ATXN1: variants seen among roughly 807,000 people sequenced by gnomAD.
ATXN1 encodes the protein ataxin 1.
In ATXN1, 8 loss-of-function variants were observed where a neutral mutation model predicts 56.4. The ratio of observed to expected loss-of-function variants is 0.14; its 90% CI spans 0.08 to 0.26. The LOEUF (loss-of-function observed/expected upper bound fraction) is 0.26. Among genes scored for constraint, ATXN1 ranks in the 10% least tolerant of loss-of-function variants. The pLI, the probability that ATXN1 is intolerant of heterozygous loss-of-function variation, is 1.00. For missense variants in ATXN1, 987 were observed against 1,106.5 expected, an observed-to-expected ratio of 0.89 and a Z score of 1.53; for synonymous variants, 514 against 494.6, an observed-to-expected ratio of 1.04 and a Z score of -0.52.
In ATXN1 at chr6:16,342,344, A is replaced by T. The variant is rs937076741; in HGVS notation, c.-160-13874T>A. ...GATGGACATTATATTCTTTTTTTTA[A>T]AAAAAAAAACAAAACAAAAATGGAA... On this transcript the variant is annotated intron_variant, in intron 6 of 7. Coordinates refer to ENST00000436367, the MANE Select transcript of ATXN1 (RefSeq NM_001128164.2). 6.0e-5 allele frequency among the ~76,000 whole-genome samples: 9 copies of T among 150,946 alleles called. No homozygotes were observed. In the East Asian group the frequency reaches 1.2e-3, roughly 19 times the overall value.
At chr6:16,484,778 A>G (rs1040440286) in intron 6 of ATXN1, among the ~76,000 whole-genome samples, 5 of 152,202 alleles carry the variant, frequency 3.3e-5, no homozygotes, top group East Asian at 1.9e-4. Context: ...TTAGAAATCT[A>G]TGAAACCAAA....
intron 2 of ATXN1, among the ~76,000 whole-genome samples, chr6:16,675,583 T>C (rs1163475619): frequency 6.6e-6 from 1 of 152,066 alleles, no homozygotes; most frequent in African/African-American, 2.4e-5. Flanking sequence ...GGAGCCTACA[T>C]ATATTTAAAA....
At chr6:16,711,359 G>A (rs1402425289) in intron 2 of ATXN1, among the ~76,000 whole-genome samples, 1 of 150,346 alleles carries the variant, frequency 6.7e-6, no homozygotes, top group East Asian at 1.9e-4. Context: ...AAGCAAAAAT[G>A]TTATAAAGAC....
intron 6 of ATXN1, among the ~76,000 whole-genome samples, chr6:16,362,998 T>C (rs1394118192): frequency 6.6e-6 from 1 of 152,230 alleles, no homozygotes; most frequent in Non-Finnish European, 1.5e-5. Context: ...GACACAAATA[T>C]ACAGCGATAT....
intron 2 of ATXN1, among the ~76,000 whole-genome samples, chr6:16,720,165 C>G (rs1353810466): frequency 6.6e-6 from 1 of 152,150 alleles, no homozygotes; most frequent in African/African-American, 2.4e-5. Context: ...TTCACCACTC[C>G]CATCTTCCAG....
rs1581690351 is a variant in ATXN1 at position 16,326,253 on chromosome 6, A to C, written c.1917+141T>G. The stretch of plus-strand genomic sequence containing the variant: ...GGGGCTTATTTTTTCTAGAGAACGC[A>C]GTTGGGAAAGGCCGAGTCTAAGGTC... On this transcript the variant is annotated intron_variant, in intron 7 of 7. Coordinates refer to ENST00000436367, the MANE Select transcript of ATXN1 (RefSeq NM_001128164.2). The surrounding 1 kb of genome is among the most constrained non-coding windows in gnomAD (Gnocchi z 6.6). 1.4e-5 allele frequency: 20 copies of C among 1,427,752 alleles called. No homozygotes were observed. In the East Asian group the frequency reaches 3.9e-4, roughly 28 times the overall value. The allele number at this position is 1,427,752 out of a possible 1,614,324, so 88.4% of individuals were successfully genotyped here.
intron 6 of ATXN1, among the ~76,000 whole-genome samples, chr6:16,389,546 T>A (rs1044818369): frequency 6.6e-6 from 1 of 152,202 alleles, no homozygotes; most frequent in Non-Finnish European, 1.5e-5. Flanking sequence ...GTAAGACTAC[T>A]GAATGAATGA....
chr6:16,630,838 G>A (rs1763491034), intron 3 of ATXN1, among the ~76,000 whole-genome samples: 1 of 152,226 alleles, frequency 6.6e-6, no homozygotes, highest in Non-Finnish European at 1.5e-5. Context: ...ATACTCAGAA[G>A]TATTGCTATT....
chr6:16,531,619 G>A (rs1364796398), intron 4 of ATXN1, among the ~76,000 whole-genome samples: 5 of 129,400 alleles, frequency 3.9e-5, no homozygotes, highest in Non-Finnish European at 6.5e-5. Context: ...GCGAAACTGT[G>A]TCTCAAAAAA....
chr6:16,520,578 T>C (rs989360157), intron 5 of ATXN1, among the ~76,000 whole-genome samples: 1 of 152,166 alleles, frequency 6.6e-6, no homozygotes, highest in African/African-American at 2.4e-5. Context: ...GGACATTTCT[T>C]CACTTTCTCA....
intron 3 of ATXN1, among the ~76,000 whole-genome samples, chr6:16,627,145 G>GT (rs1651339493): frequency 6.6e-6 from 1 of 152,162 alleles, no homozygotes; most frequent in African/African-American, 2.4e-5. Flanking sequence ...GAGTCCATAT[G>GT]TCCACTTCTG....
At chr6:16,363,798 C>G (rs1030112532) in intron 6 of ATXN1, among the ~76,000 whole-genome samples, 1 of 152,132 alleles carries the variant, frequency 6.6e-6, no homozygotes, top group Non-Finnish European at 1.5e-5. Flanking sequence ...GTAAGCATTT[C>G]GTTTCATCCC....
At chr6:16,379,723 T>C (rs1044600355) in intron 6 of ATXN1, among the ~76,000 whole-genome samples, 3 of 152,144 alleles carry the variant, frequency 2.0e-5, no homozygotes, top group Non-Finnish European at 4.4e-5. Flanking sequence ...GAGGTCACTC[T>C]TACGCAGGTA....
intron 3 of ATXN1, among the ~76,000 whole-genome samples, chr6:16,636,642 G>T (rs968375410): frequency 1.3e-5 from 2 of 152,150 alleles, no homozygotes; most frequent in African/African-American, 4.8e-5. Context: ...CTAATAAATG[G>T]TATCATGAAT....
At chr6:16,456,470 TGGTTTGCCTG>T (rs759224866) in intron 6 of ATXN1, among the ~76,000 whole-genome samples, 6 of 152,302 alleles carry the variant, frequency 3.9e-5, no homozygotes, top group Admixed American at 3.3e-4. Flanking sequence ...TCAGGAGCAT[TGGTTTGCCTG>T]GAACCAGCTT....
intron 6 of ATXN1, among the ~76,000 whole-genome samples, chr6:16,340,096 T>C (rs181916578): frequency 6.6e-6 from 1 of 152,234 alleles, no homozygotes; most frequent in Admixed American, 6.5e-5. Flanking sequence ...GAATTTAACC[T>C]CACCCAAACT....
intron 3 of ATXN1, among the ~76,000 whole-genome samples, chr6:16,641,495 C>G (rs1763704867): frequency 6.6e-6 from 1 of 152,320 alleles, no homozygotes; most frequent in Non-Finnish European, 1.5e-5. Flanking sequence ...AACAACAAAG[C>G]CTGGATGAAA....
intron 2 of ATXN1, among the ~76,000 whole-genome samples, chr6:16,662,050 A>C (rs1758331229): frequency 6.6e-6 from 1 of 152,186 alleles, no homozygotes; most frequent in Non-Finnish European, 1.5e-5. Flanking sequence ...AATGTATGAA[A>C]CACTCTTCTG....
At chr6:16,693,297 C>G (rs1048737348) in intron 2 of ATXN1, among the ~76,000 whole-genome samples, 2 of 152,196 alleles carry the variant, frequency 1.3e-5, no homozygotes, top group Non-Finnish European at 2.9e-5. Context: ...TTAGGCAAGT[C>G]CCTCAAGCTT....
Sources: allele counts gnomAD v4.1 joint callset (sites outside exome capture counted in the v4.1 genomes callset), GRCh38; gene constraint gnomAD v4.1.1; non-coding constraint Gnocchi (gnomAD v3.1); transcripts MANE v1.5; gene names NCBI Gene and HGNC (gene_info 2026-07-23, HGNC 2026-07-21).